SHLD3: variants seen among roughly 807,000 people sequenced by gnomAD.
The protein encoded by SHLD3 is REV7-interacting novel NHEJ regulator 1.
Under a neutral mutation model 21.4 loss-of-function variants are expected in SHLD3, and 15 were observed. The ratio of observed to expected loss-of-function variants is 0.70; its 90% CI spans 0.47 to 1.08. SHLD3 has a LOEUF of 1.08. SHLD3 is among the 50% of genes least tolerant of loss of function. The probability of loss-of-function intolerance (pLI) is 0.00; values close to 1 mark genes in which losing one functional copy is unlikely to be tolerated. For missense variants in SHLD3, 273 were observed against 286.1 expected, an observed-to-expected ratio of 0.95 and a Z score of 0.33; for synonymous variants, 103 against 97.2, an observed-to-expected ratio of 1.06 and a Z score of -0.35.
In SHLD3 at chr5:65,629,777, G is replaced by T; in HGVS notation, c.190G>T (p.Ala64Ser). 1.3e-6 allele frequency: 2 copies of T among 1,536,080 alleles called. No individual in the cohort carries two copies. The highest frequency in any genetic ancestry group is 1.7e-6 in the Non-Finnish European group (2 of 1,146,886). The change falls in exon 2 of 2, where the codon GCA becomes TCA. Residue 64 changes from alanine (A) to serine (S), a missense_variant. Coordinates refer to ENST00000510585, the MANE Select transcript of SHLD3 (RefSeq NM_001365341.2). ...KRSPPVISEE[A>S]AEDVKQYLTI... ...ATCACCACCTGTGATTTCTGAAGAG[G>T]CAGCTGAAGATGTGAAACAGTACTT...
At position 65,630,358 on chromosome 5, in the gene SHLD3, C is replaced by T; in HGVS notation, c.*18C>T. ...GTATGTAATGAATTCCACTGATTGT[C>T]AAAAAGAATATTCTGAATGAAATGA... is the stretch of plus-strand genomic sequence containing the variant. On this transcript the variant is annotated 3_prime_UTR_variant, in exon 2 of 2. Transcript: ENST00000510585. 5 of 1,467,132 alleles carry T rather than the reference C, an allele frequency of 3.4e-6. No individual in the cohort carries two copies. Among genetic ancestry groups the T allele is most frequent in the Non-Finnish European group, 4.5e-6 (5 of 1,113,436 alleles). 90.9% of individuals were successfully genotyped at this position (1,467,132 alleles called of 1,614,324 possible).
Position 65,630,384 on chromosome 5 carries a change from A to G in SHLD3, c.*44A>G, listed in dbSNP as rs1183275831. On this transcript the variant is annotated 3_prime_UTR_variant, in exon 2 of 2. Transcript: ENST00000510585. ...AAAAAGAATATTCTGAATGAAATGA[A>G]TATGGATTGAAATAGATAAAATAAT... 2.1e-6 allele frequency: 3 copies of G among 1,439,576 alleles called. No homozygotes were observed. The highest frequency in any genetic ancestry group is 1.4e-5 in the African/African-American group (1 of 69,894). The allele number at this position is 1,439,576 out of a possible 1,614,324, so 89.2% of individuals were successfully genotyped here.
At position 65,629,882 on chromosome 5, in the gene SHLD3, AAGC is replaced by A; in HGVS notation, c.300_302del (p.Gln100del). The A allele has an allele frequency of 6.5e-7, 1 of 1,536,104 alleles. No individual in the cohort carries two copies. Among genetic ancestry groups the A allele is most frequent in the Non-Finnish European group, 8.7e-7 (1 of 1,146,894 alleles). The stretch of plus-strand genomic sequence containing the variant: ...ATTGGAGTTTCAACCTAGCTTGAAA[AAGC>A]AGCATTTAACCTGGTCACACACACT... On this transcript the variant is annotated inframe_deletion, in exon 2 of 2. Transcript: ENST00000510585.
rs773263077 is a variant in SHLD3 at position 65,629,791 on chromosome 5, G to A, written c.204G>A (p.Val68=). The part of the protein sequence containing the change: ...PVISEEAAED[V]KQYLTISEHD... The stretch of plus-strand genomic sequence containing the variant: ...TTTCTGAAGAGGCAGCTGAAGATGT[G>A]AAACAGTACTTAACCATTTCAGAAC... The change falls in exon 2 of 2, where the codon GTG becomes GTA. Residue 68 remains valine, a synonymous_variant. Transcript: ENST00000510585. 1.2e-5 allele frequency: 18 copies of A among 1,536,072 alleles called. 1 individual carries two copies. In the South Asian group the frequency reaches 1.8e-4, roughly 15 times the overall value.
At chr5:65,625,707 G>A (rs1755186082) in intron 1 of SHLD3, among the ~76,000 whole-genome samples, 1 of 152,040 alleles carries the variant, frequency 6.6e-6, no homozygotes, top group African/African-American at 2.4e-5. Flanking sequence ...GGAAAAAACA[G>A]CAGCACTTTT....
intron 1 of SHLD3, among the ~76,000 whole-genome samples, chr5:65,626,682 T>G (rs1250276714): frequency 1.3e-5 from 2 of 151,360 alleles, no homozygotes; most frequent in Non-Finnish European, 2.9e-5. Flanking sequence ...CTTGCAGTGA[T>G]CCGAGATCAC....
At chr5:65,629,199 CCAAGTCCTTTATAT>C (rs748224659) in intron 1 of SHLD3, among the ~76,000 whole-genome samples, 27 of 152,118 alleles carry the variant, frequency 1.8e-4, no homozygotes, top group Non-Finnish European at 3.5e-4. Flanking sequence ...ATCGATACTT[CCAAGTCCTTTATAT>C]CTATTGAGTT....
intron 1 of SHLD3, among the ~76,000 whole-genome samples, chr5:65,627,671 T>G (rs1351892558): frequency 6.6e-6 from 1 of 152,018 alleles, no homozygotes; most frequent in East Asian, 1.9e-4. Flanking sequence ...CTGATTGACT[T>G]TAGACAACAA....
chr5:65,628,361 G>A (rs1237194253), intron 1 of SHLD3, among the ~76,000 whole-genome samples: 4 of 152,106 alleles, frequency 2.6e-5, no homozygotes, highest in Admixed American at 6.6e-5. Flanking sequence ...AACCATATTA[G>A]CAAAGTTAAA....
At chr5:65,625,660 T>G (rs1233102445) in intron 1 of SHLD3, among the ~76,000 whole-genome samples, 1 of 152,242 alleles carries the variant, frequency 6.6e-6, no homozygotes, top group East Asian at 1.9e-4. Context: ...CACAGCCATT[T>G]TGAGTAAGTT....
intron 1 of SHLD3, among the ~76,000 whole-genome samples, chr5:65,629,053 G>T (rs951909632): frequency 1.3e-5 from 2 of 151,988 alleles, no homozygotes; most frequent in African/African-American, 4.8e-5. Flanking sequence ...TGATTTCATT[G>T]TCCTCAATTT....
rs60169195 is a variant in SHLD3 at position 65,627,131 on chromosome 5, C to CAAAAAAAAA, written c.-121+2043_-121+2051dup. Among the ~76,000 whole-genome samples, 87 of 32,552 alleles carry CAAAAAAAAA rather than the reference C, an allele frequency of 2.7e-3. 4 individuals are homozygous for CAAAAAAAAA. The highest frequency in any genetic ancestry group is 0.011 in the South Asian group (11 of 1,040). 21.4% of individuals were successfully genotyped at this position (32,552 alleles called of 152,430 possible). A position where few individuals can be genotyped will look rare whatever the true frequency, so the allele number is the denominator to read the frequency against. On this transcript the variant is annotated intron_variant, in intron 1 of 1. Transcript: ENST00000510585. ...TGGGTGACAGAGTGAGACCCTGTCT[C>CAAAAAAAAA]AAAAAAAAAAAAAAAAAAAAAAAAA...
Position 65,627,131 on chromosome 5 carries a change from C to CAAAAAAAAAAAAAAAAAAAAAAA in SHLD3, c.-121+2029_-121+2051dup, listed in dbSNP as rs60169195. 3.7e-4 allele frequency among the ~76,000 whole-genome samples: 12 copies of CAAAAAAAAAAAAAAAAAAAAAAA among 32,580 alleles called. 1 individual carries two copies. Among genetic ancestry groups the CAAAAAAAAAAAAAAAAAAAAAAA allele is most frequent in the Admixed American group, 1.3e-3 (3 of 2,378 alleles). 21.4% of individuals were successfully genotyped at this position (32,580 alleles called of 152,430 possible). A position where few individuals can be genotyped will look rare whatever the true frequency, so the allele number is the denominator to read the frequency against. ...TGGGTGACAGAGTGAGACCCTGTCT[C>CAAAAAAAAAAAAAAAAAAAAAAA]AAAAAAAAAAAAAAAAAAAAAAAAA... On this transcript the variant is annotated intron_variant, in intron 1 of 1. Transcript: ENST00000510585.
chr5:65,629,623 TGA>T lies in SHLD3; in HGVS notation c.40_41del (p.Ser14Ter). On this transcript the variant is annotated frameshift_variant, in exon 2 of 2. Coordinates refer to ENST00000510585, the MANE Select transcript of SHLD3 (RefSeq NM_001365341.2). LOFTEE classifies it high-confidence loss of function. ...AAGTAATATTACATTATCGACCATG[TGA>T]GAGTGATCCCACACAACTGCCAAAA... ...TEVILHYRPC[E>X]SDPTQLPKIA... 6.5e-7 allele frequency: 1 copy of T among 1,535,744 alleles called. No homozygotes were observed. Among genetic ancestry groups the T allele is most frequent in the Non-Finnish European group, 8.7e-7 (1 of 1,146,698 alleles).
Position 65,630,106 on chromosome 5 carries a change from C to T in SHLD3, c.519C>T (p.His173=), listed in dbSNP as rs748717430. Residue 173 remains histidine, a synonymous_variant, in exon 2 of 2, where the codon CAC becomes CAT. Transcript: ENST00000510585. Reference sequence around the variant, plus strand: ...ATAGAGCAAGATGGACAATAGAACACACTATTTGTAACAGCCAAACTCTGG... The same window carrying T: ...ATAGAGCAAGATGGACAATAGAACATACTATTTGTAACAGCCAAACTCTGG... The part of the protein sequence containing the change: ...SLYRARWTIE[H]TICNSQTLED... 5.9e-6 allele frequency: 9 copies of T among 1,536,026 alleles called. No individual in the cohort carries two copies. Among genetic ancestry groups the T allele is most frequent in the Non-Finnish European group, 7.8e-6 (9 of 1,146,872 alleles).
At chr5:65,629,404 C>T in intron 1 of SHLD3, 64 bp from the exon 2 acceptor site, 2 of 1,238,414 alleles carry the variant, frequency 1.6e-6, no homozygotes, top group Non-Finnish European at 2.1e-6. Context: ...TTCCTTTTCT[C>T]CCTGCCTGTT....
chr5:65,625,307 C>A (rs1007082895), intron 1 of SHLD3: 5 of 584,092 alleles, frequency 8.6e-6, no homozygotes, highest in East Asian at 5.7e-5. Flanking sequence ...GAAATAGATA[C>A]CTGGTAAATC....
intron 1 of SHLD3, among the ~76,000 whole-genome samples, chr5:65,628,670 C>A (rs2150659179): frequency 6.6e-6 from 1 of 152,042 alleles, no homozygotes; most frequent in Middle Eastern, 3.4e-3. Flanking sequence ...CGGAGTTTCA[C>A]CATGTTGGCC....
At chr5:65,625,282 GC>G in intron 1 of SHLD3, 176 bp downstream of exon 1, 1 of 610,570 alleles carries the variant, frequency 1.6e-6, no homozygotes, top group African/African-American at 1.9e-5. Context: ...AGGTTTATGG[GC>G]CCCTTTCTAG....
Sources: allele counts gnomAD v4.1 joint callset (sites outside exome capture counted in the v4.1 genomes callset), GRCh38; gene constraint gnomAD v4.1.1; transcripts MANE v1.5; gene names NCBI Gene and HGNC (gene_info 2026-07-23, HGNC 2026-07-21).